LCORL: variants seen among roughly 807,000 people sequenced by gnomAD.
LCORL encodes ligand-dependent nuclear receptor corepressor-like protein.
A neutral mutation model predicts 141.8 loss-of-function variants in LCORL; 41 were observed. That is an observed-to-expected ratio of 0.29 (90% CI 0.23 to 0.38). The LOEUF (loss-of-function observed/expected upper bound fraction) is 0.38, where lower values mean the gene tolerates loss of function less well. LCORL is among the 10% of genes least tolerant of loss of function. LCORL has a pLI of 1.00. For synonymous variants in LCORL, 618 were observed against 694.1 expected (o/e 0.89, Z 1.72); for missense variants, 1,759 against 2,035.0 (o/e 0.86, Z 2.61).
chr4:17,876,790 G>A (rs1022579751), exon 7 of LCORL: 1 of 1,230,490 alleles, frequency 8.1e-7, no homozygotes, highest in Non-Finnish European at 1.0e-6. Flanking sequence ...TTCTCCTGTG[G>A]CTTTCTTATG....
intron 4 of LCORL, among the ~76,000 whole-genome samples, chr4:17,943,184 A>G (rs982760088): frequency 3.9e-5 from 6 of 152,066 alleles, no homozygotes; most frequent in South Asian, 2.1e-4. Flanking sequence ...CTCATATATT[A>G]TTCTCCCTAT....
At chr4:17,961,971 CCCTGAGATGATA>C (rs755615631) in exon 4 of LCORL, 49 of 1,609,090 alleles carry the variant, frequency 3.0e-5, no homozygotes, top group Admixed American at 5.0e-5. Context: ...GTTGGACTGG[CCCTGAGATGATA>C]GCTCCTCTGT....
intron 1 of LCORL, among the ~76,000 whole-genome samples, chr4:18,004,290 G>A (rs957104566): frequency 1.3e-5 from 2 of 152,092 alleles, no homozygotes; most frequent in African/African-American, 2.4e-5. Context: ...TTTTCATGCT[G>A]CTAACAAAGA....
At chr4:17,985,967 A>G (rs892261975) in intron 1 of LCORL, among the ~76,000 whole-genome samples, 1 of 152,086 alleles carries the variant, frequency 6.6e-6, no homozygotes, top group African/African-American at 2.4e-5. Context: ...AGTAACAAAT[A>G]CCCTCAGTAT....
At chr4:17,943,038 C>T (rs1486539597) in intron 4 of LCORL, among the ~76,000 whole-genome samples, 7 of 152,180 alleles carry the variant, frequency 4.6e-5, no homozygotes, top group Non-Finnish European at 1.5e-5. Flanking sequence ...GAAACCATCT[C>T]CCTGCAACAC....
In LCORL at chr4:17,963,044, C is replaced by A; in HGVS notation, c.226G>T (p.Glu76Ter). 1 of 1,581,692 alleles carries A rather than the reference C, an allele frequency of 6.3e-7. No homozygotes were observed. The highest frequency in any genetic ancestry group is 1.2e-5 in the South Asian group (1 of 85,480). ...GACCAGTCAGTCAGCTCTTCTGGTTCACAGTCTTTAAAAGAGGGAAAAAAT... is the reference window on the plus strand; with the variant it reads ...GACCAGTCAGTCAGCTCTTCTGGTTAACAGTCTTTAAAAGAGGGAAAAAAT... Residue 76 changes from glutamate to a stop codon, truncating the protein, a stop_gained, in exon 3 of 8, where the codon GAA becomes TAA. Transcript: ENST00000635767. LOFTEE classifies it high-confidence loss of function.
At chr4:17,877,767 G>C (rs955969175) in exon 7 of LCORL, 99 of 1,230,534 alleles carry the variant, frequency 8.0e-5, no homozygotes, top group Non-Finnish European at 1.6e-5. Context: ...TGATTTTGTA[G>C]AGTGAATGTT....
intron 4 of LCORL, among the ~76,000 whole-genome samples, chr4:17,952,728 T>A (rs572705773): frequency 3.9e-5 from 6 of 152,366 alleles, no homozygotes; most frequent in Non-Finnish European, 8.8e-5. Context: ...AACAATTTTT[T>A]AAAACTTTTA....
chr4:17,890,722 T>C (rs909178066), intron 5 of LCORL, among the ~76,000 whole-genome samples: 1 of 152,108 alleles, frequency 6.6e-6, no homozygotes. Flanking sequence ...GGTCAGGTAA[T>C]TGTCTATATA....
chr4:17,992,229 T>C (rs753391860), intron 1 of LCORL, among the ~76,000 whole-genome samples: 2 of 152,184 alleles, frequency 1.3e-5, no homozygotes, highest in Non-Finnish European at 2.9e-5. Context: ...ATTCTTCATA[T>C]GGCAGCAGGA....
At chr4:17,953,004 T>C (rs78531817) in intron 4 of LCORL, among the ~76,000 whole-genome samples, 3 of 152,124 alleles carry the variant, frequency 2.0e-5, no homozygotes, top group Non-Finnish European at 4.4e-5. Flanking sequence ...TTTTTTTTTT[T>C]CCTGTTCCTG....
chr4:17,920,893 A>C (rs577887980), intron 4 of LCORL, among the ~76,000 whole-genome samples: 116 of 152,302 alleles, frequency 7.6e-4, no homozygotes, highest in African/African-American at 2.5e-3. Context: ...TTTCTACCAC[A>C]TCTGCAGCTG....
exon 8 of LCORL, chr4:17,842,276 A>G: frequency 6.3e-7 from 1 of 1,591,420 alleles, no homozygotes; most frequent in South Asian, 1.1e-5. Flanking sequence ...GCAACTGATA[A>G]TAAATCCTGA....
intron 4 of LCORL, among the ~76,000 whole-genome samples, chr4:17,915,535 C>G (rs536851339): frequency 6.6e-6 from 1 of 152,160 alleles, no homozygotes; most frequent in African/African-American, 2.4e-5. Flanking sequence ...CACTTTCAAA[C>G]CAGGAAGTGG....
chr4:17,945,307 A>C (rs1481358887), intron 4 of LCORL, among the ~76,000 whole-genome samples: 1 of 152,078 alleles, frequency 6.6e-6, no homozygotes, highest in Non-Finnish European at 1.5e-5. Flanking sequence ...TGAGAATACA[A>C]ACAAAAAATA....
At chr4:17,897,213 CTTTTTTTTTTTT>C (rs761784734) in intron 5 of LCORL, among the ~76,000 whole-genome samples, 2,674 of 63,988 alleles carry the variant, frequency 0.042, 350 homozygotes, top group African/African-American at 0.14. Context: ...ATACTGATTT[CTTTTTTTTTTTT>C]TTTTTTTTTT....
At chr4:17,855,885 C>T (rs185059968) in intron 7 of LCORL, among the ~76,000 whole-genome samples, 295 of 152,294 alleles carry the variant, frequency 1.9e-3, no homozygotes, top group Middle Eastern at 6.8e-3. Context: ...TGTAATATAG[C>T]ATTATTGTGG....
intron 4 of LCORL, chr4:17,913,023 A>G (rs1429442497): frequency 7.7e-6 from 2 of 261,058 alleles, no homozygotes; most frequent in Non-Finnish European, 1.5e-5. Flanking sequence ...AGGCCAATAA[A>G]AAGTTCAGGG....
At chr4:17,851,164 A>G (rs1723644011) in intron 7 of LCORL, among the ~76,000 whole-genome samples, 1 of 149,080 alleles carries the variant, frequency 6.7e-6, no homozygotes, top group South Asian at 2.2e-4. Context: ...GCTTTAGGAG[A>G]TATACCTAAT....
Sources: gnomAD v4.1 joint callset for allele counts (sites outside exome capture counted in the v4.1 genomes callset) on GRCh38, gnomAD v4.1.1 for gene constraint, MANE v1.5 for transcripts, NCBI Gene and HGNC (gene_info 2026-07-23, HGNC 2026-07-21) for gene names.